Variants in LRRD1 observed in about 807,000 individuals in gnomAD.
LRRD1 encodes leucine rich repeats and death domain containing 1, also known as leucine-rich repeat and death domain-containing protein 1.
Under a neutral mutation model 69.5 loss-of-function variants are expected in LRRD1, and 49 were observed. The ratio of observed to expected loss-of-function variants is 0.70; its 90% CI spans 0.56 to 0.89. The LOEUF (loss-of-function observed/expected upper bound fraction) is 0.89. Ranked by LOEUF, LRRD1 falls within the 40% of genes least tolerant of loss-of-function variation. The probability of loss-of-function intolerance (pLI) is 0.00; values close to 1 mark genes in which losing one functional copy is unlikely to be tolerated. For missense variants in LRRD1, 853 were observed against 956.0 expected (o/e 0.89, Z 1.42); for synonymous variants, 303 against 338.9 (o/e 0.89, Z 1.16).
At chr7:92,169,207 C>A (rs1355118380) in intron 1 of LRRD1, among the ~76,000 whole-genome samples, 2 of 152,004 alleles carry the variant, frequency 1.3e-5, no homozygotes, top group African/African-American at 4.8e-5. Flanking sequence ...GCGTGAGTCA[C>A]CGCTTCCTTA....
intron 1 of LRRD1, among the ~76,000 whole-genome samples, chr7:92,174,501 A>ATTTTTTTTTTTTTTTTTTTTTT (rs1329555146): frequency 5.0e-5 from 1 of 20,028 alleles, no homozygotes. Context: ...ATATATATAT[A>ATTTTTTTTTTTTTTTTTTTTTT]TATATATATT....
intron 1 of LRRD1, among the ~76,000 whole-genome samples, chr7:92,170,642 A>G (rs544335293): frequency 1.5e-4 from 23 of 152,368 alleles, no homozygotes; most frequent in African/African-American, 5.5e-4. Flanking sequence ...TAGATCATCC[A>G]GTCAAAAAAT....
At chr7:92,157,514 A>C (rs1788689795) in intron 3 of LRRD1, among the ~76,000 whole-genome samples, 1 of 151,682 alleles carries the variant, frequency 6.6e-6, no homozygotes, top group African/African-American at 2.4e-5. Context: ...TTTATGACAG[A>C]ATTTTTTAAA....
downstream of LRRD1, chr7:92,142,951 T>C (rs1490411311): frequency 1.1e-5 from 3 of 266,386 alleles, no homozygotes; most frequent in East Asian, 3.2e-4. Flanking sequence ...CCGGAACAGG[T>C]TGCCACTGCT....
intron 2 of LRRD1, among the ~76,000 whole-genome samples, chr7:92,161,360 C>T (rs1788792025): frequency 6.6e-6 from 1 of 152,184 alleles, no homozygotes; most frequent in African/African-American, 2.4e-5. Context: ...ATTTGATGAC[C>T]TTTGCAATGA....
Position 92,164,606 on chromosome 7 carries a change from T to A in LRRD1, c.597A>T (p.Gly199=). The change falls in exon 2 of 6, where the codon GGA becomes GGT. Residue 199 remains glycine, a synonymous_variant. Coordinates refer to ENST00000458448, the MANE Select transcript of LRRD1 (RefSeq NM_001161528.2). ...GLEILSLQEN[G]LSSLPSEIQL... is the part of the protein sequence containing the mutation. ...GAATTTCAGATGGAAGTGATGATAA[T>A]CCATTTTCTTGCAGGGATAGAATTT... The A allele has an allele frequency of 6.4e-7, 1 of 1,551,664 alleles. No individual in the cohort carries two copies. The highest frequency in any genetic ancestry group is 8.7e-7 in the Non-Finnish European group (1 of 1,146,790).
At chr7:92,143,417 G>A (rs1056334119), downstream of LRRD1, among the ~76,000 whole-genome samples, 16 of 50,306 alleles carry the variant, frequency 3.2e-4, no homozygotes, top group Admixed American at 1.3e-3. Flanking sequence ...CCATGGAACC[G>A]GGGGCGGCAC....
Position 92,163,892 on chromosome 7 carries a change from G to C in LRRD1, c.1311C>G (p.Ile437Met). The change falls in exon 2 of 6, where the codon ATC becomes ATG. Residue 437 changes from isoleucine (I) to methionine (M), a missense_variant. By Grantham distance (10) the Ile-to-Met change is conservative. Coordinates refer to ENST00000458448, the MANE Select transcript of LRRD1 (RefSeq NM_001161528.2). ...GACTGCATATGTTATTAAGATGTGA[G>C]ATACAGTCAGTTATTTTTACCATAT... Reference protein sequence around the residue: ...RNNMVKITDCISHLNNICSLE... With the variant: ...RNNMVKITDCMSHLNNICSLE... The C allele has an allele frequency of 6.5e-7, 1 of 1,528,832 alleles. No individual in the cohort carries two copies. The highest frequency in any genetic ancestry group is 2.2e-5 in the Admixed American group (1 of 44,868). The allele number at this position is 1,528,832 out of a possible 1,614,324, so 94.7% of individuals were successfully genotyped here.
At chr7:92,178,772 C>T (rs1204419925) in intron 1 of LRRD1, 1 of 152,170 alleles carries the variant, frequency 6.6e-6, no homozygotes, top group Non-Finnish European at 1.5e-5. Context: ...TAAAGTTGAA[C>T]AATGGCCCAA....
At chr7:92,172,946 A>G (rs1274120927) in intron 1 of LRRD1, among the ~76,000 whole-genome samples, 1 of 152,182 alleles carries the variant, frequency 6.6e-6, no homozygotes. Context: ...TCCAAATTAT[A>G]CCCCAAAGTT....
At chr7:92,162,658 A>G (rs963930570) in intron 2 of LRRD1, among the ~76,000 whole-genome samples, 1 of 152,220 alleles carries the variant, frequency 6.6e-6, no homozygotes, top group African/African-American at 2.4e-5. Context: ...TATTTATGGA[A>G]AAATTCATCA....
At chr7:92,154,576 A>C (rs1788610982) in intron 3 of LRRD1, among the ~76,000 whole-genome samples, 1 of 151,350 alleles carries the variant, frequency 6.6e-6, no homozygotes, top group South Asian at 2.1e-4. Flanking sequence ...TTTTTTTTGC[A>C]AAACAATATT....
rs561380441 is a variant in LRRD1 at position 92,158,387 on chromosome 7, ATATATATGTG to A, written c.2116+608_2116+617del. Among the ~76,000 whole-genome samples the A allele has an allele frequency of 9.0e-3, 1,363 of 151,778 alleles. 23 individuals are homozygous for A. Among genetic ancestry groups the A allele is most frequent in the Middle Eastern group, 0.041 (12 of 292 alleles). ...AATAAATAAATAAACAAACAGATAA[ATATATATGTG>A]TATATATGTGTATATATGTATATAT... On this transcript the variant is annotated intron_variant, in intron 3 of 5. Coordinates refer to ENST00000458448, the MANE Select transcript of LRRD1 (RefSeq NM_001161528.2).
chr7:92,144,898 A>C lies in LRRD1; in HGVS notation c.2573T>G (p.Ile858Ser), dbSNP rs1459963961. ...TTATTGATCCACTGGTTAGAATTTA[A>C]TTGCACGCGTAAAAAGATTTAAAGC... The part of the protein sequence containing the change: ...ITALNLFTRA[I>S]KF The change falls in exon 6 of 6, where the codon ATT becomes AGT. Residue 858 changes from isoleucine (I) to serine (S), a missense_variant. Transcript: ENST00000458448. The C allele has an allele frequency of 6.7e-7, 1 of 1,485,458 alleles. No homozygotes were observed. The highest frequency in any genetic ancestry group is 9.0e-7 in the Non-Finnish European group (1 of 1,108,776). The allele number at this position is 1,485,458 out of a possible 1,614,324, so 92.0% of individuals were successfully genotyped here.
intron 4 of LRRD1, 56 bp downstream of exon 4, chr7:92,150,478 A>C: frequency 1.4e-6 from 2 of 1,398,250 alleles, no homozygotes; most frequent in Non-Finnish European, 1.9e-6. Context: ...AAATATTAAA[A>C]TAAAATAAAA....
At chr7:92,149,240 C>T (rs1820408046) in intron 4 of LRRD1, among the ~76,000 whole-genome samples, 1 of 152,184 alleles carries the variant, frequency 6.6e-6, no homozygotes, top group South Asian at 2.1e-4. Context: ...TTTTTCATGA[C>T]TGTCTCACTA....
intron 2 of LRRD1, among the ~76,000 whole-genome samples, chr7:92,159,644 G>A (rs1328357858): frequency 7.8e-6 from 1 of 128,198 alleles, no homozygotes. Flanking sequence ...TTTTTGAGAC[G>A]GAGATCTCGG....
At chr7:92,168,325 C>G (rs1036692468) in intron 1 of LRRD1, among the ~76,000 whole-genome samples, 2 of 152,158 alleles carry the variant, frequency 1.3e-5, no homozygotes, top group Non-Finnish European at 2.9e-5. Flanking sequence ...TGCCTCAACC[C>G]ATGGGAAGTA....
chr7:92,159,125 TC>T lies in LRRD1; in HGVS notation c.1995del (p.Ile666PhefsTer5). On this transcript the variant is annotated frameshift_variant, in exon 3 of 6. Coordinates refer to ENST00000458448, the MANE Select transcript of LRRD1 (RefSeq NM_001161528.2). LOFTEE classifies it high-confidence loss of function. ...CTCAATTCTCCTATATTTCTTGGAA[TC>T]TCTCTGATTGCATTATTTGAGATAT... ...ELDISNNAIR[E>X]IPRNIGELRN... The T allele has an allele frequency of 6.5e-7, 1 of 1,548,206 alleles. No individual in the cohort carries two copies. Among genetic ancestry groups the T allele is most frequent in the Non-Finnish European group, 8.7e-7 (1 of 1,145,500 alleles).
Sources: allele counts gnomAD v4.1 joint callset (sites outside exome capture counted in the v4.1 genomes callset), GRCh38; gene constraint gnomAD v4.1.1; transcripts MANE v1.5; gene names NCBI Gene and HGNC (gene_info 2026-07-23, HGNC 2026-07-21).